Variants in NOTCH3 observed in about 807,000 individuals in gnomAD.
NOTCH3 encodes notch receptor 3.
NOTCH3 carries 86 observed loss-of-function variants against 213.3 expected under a neutral mutation model. The observed-to-expected ratio is 0.40, with a 90% confidence interval of 0.34 to 0.48. The LOEUF (loss-of-function observed/expected upper bound fraction) is 0.48. Ranked by LOEUF, NOTCH3 falls within the 20% of genes least tolerant of loss-of-function variation. The pLI is 0.57. For synonymous variants in NOTCH3, 1,354 were observed against 1,355.9 expected, an observed-to-expected ratio of 1.00 and a Z score of 0.03; for missense variants, 2,783 against 3,272.6, an observed-to-expected ratio of 0.85 and a Z score of 3.65.
chr19:15,168,727 G>A (rs2046705619), intron 28 of NOTCH3, among the ~76,000 whole-genome samples: 1 of 151,992 alleles, frequency 6.6e-6, no homozygotes, highest in Non-Finnish European at 1.5e-5. Context: ...CCAGCTACTC[G>A]GGAGGCTGAG....
chr19:15,192,648 C>G, intron 2 of NOTCH3, 129 bp from the exon 3 acceptor site: 1 of 1,332,482 alleles, frequency 7.5e-7, no homozygotes, highest in Non-Finnish European at 1.0e-6. Flanking sequence ...GGAGCAGTGG[C>G]TCACGCCTGT....
intron 17 of NOTCH3, 51 bp downstream of exon 17, chr19:15,181,525 G>A (rs2145423677): frequency 6.8e-7 from 1 of 1,475,320 alleles, no homozygotes; most frequent in African/African-American, 1.4e-5. Flanking sequence ...CCAGGTCCCA[G>A]GCCCCATCCC....
At chr19:15,196,826 A>G (rs1456404886) in intron 2 of NOTCH3, among the ~76,000 whole-genome samples, 1 of 152,204 alleles carries the variant, frequency 6.6e-6, no homozygotes, top group Non-Finnish European at 1.5e-5. Context: ...AAGGTGTCCC[A>G]GACCCCAGAA....
intron 24 of NOTCH3, among the ~76,000 whole-genome samples, chr19:15,175,750 A>C (rs1175447949): frequency 6.6e-6 from 1 of 151,042 alleles, no homozygotes; most frequent in African/African-American, 2.4e-5. Flanking sequence ...GAGGTGAGGG[A>C]GGAGCCATGT....
At chr19:15,177,134 A>T (rs2046797526) in intron 24 of NOTCH3, among the ~76,000 whole-genome samples, 1 of 150,822 alleles carries the variant, frequency 6.6e-6, no homozygotes, top group Admixed American at 6.6e-5. Flanking sequence ...CTGTAATCCC[A>T]GCTACTCCAG....
rs369200661 is a variant in NOTCH3 at position 15,189,200 on chromosome 19, G to T, written c.1193-26C>A. 3.1e-6 allele frequency: 5 copies of T among 1,613,088 alleles called. No individual in the cohort carries two copies. The African/African-American group carries it at 4.0e-5, about 13-fold the overall frequency. ...CTGCCGGATGGAGTGCGATCGGTGT[G>T]GGCGTGGCTGGCCGGGACCCCCTCC... On this transcript the variant is annotated intron_variant, in intron 7 of 32. Coordinates refer to ENST00000263388, the MANE Select transcript of NOTCH3 (RefSeq NM_000435.3).
chr19:15,174,017 G>T, intron 25 of NOTCH3, 51 bp downstream of exon 25: 2 of 1,413,858 alleles, frequency 1.4e-6, no homozygotes, highest in Non-Finnish European at 1.9e-6. Context: ...TGGATCAACA[G>T]CATCTCTCCT....
intron 24 of NOTCH3, among the ~76,000 whole-genome samples, 167 bp from the exon 25 acceptor site, chr19:15,174,567 G>T (rs1269624468): frequency 5.0e-5 from 4 of 79,360 alleles, no homozygotes; most frequent in Admixed American, 2.5e-4. Flanking sequence ...CCATTCACTG[G>T]ATAATTTTTT....
chr19:15,163,739 G>A (rs953624686), intron 31 of NOTCH3, among the ~76,000 whole-genome samples: 9 of 152,156 alleles, frequency 5.9e-5, no homozygotes, highest in African/African-American at 2.2e-4. Context: ...GGTGGGATGG[G>A]AGGATCACTT....
intron 16 of NOTCH3, among the ~76,000 whole-genome samples, chr19:15,182,053 G>A (rs1014358269): frequency 1.3e-5 from 2 of 152,212 alleles, no homozygotes; most frequent in East Asian, 1.9e-4. Context: ...CCAAGCAAAC[G>A]CTGCTAATTG....
At position 15,185,755 on chromosome 19, in the gene NOTCH3, T is replaced by A; in HGVS notation, c.1952-76A>T. 7.0e-7 allele frequency: 1 copy of A among 1,419,802 alleles called. No homozygotes were observed. Among genetic ancestry groups the A allele is most frequent in the Non-Finnish European group, 9.8e-7 (1 of 1,015,626 alleles). The allele number at this position is 1,419,802 out of a possible 1,614,324, so 88.0% of individuals were successfully genotyped here. On this transcript the variant is annotated intron_variant, in intron 12 of 32. Coordinates refer to ENST00000263388, the MANE Select transcript of NOTCH3 (RefSeq NM_000435.3). This position sits in a 1 kb window ranked among gnomAD's most constrained non-coding sequence, Gnocchi z 4.2. ...CCAGGGAGGGACGACGTGACCCCAC[T>A]TAGCACACCCACACCCCCGAGCAAT...
intron 29 of NOTCH3, among the ~76,000 whole-genome samples, chr19:15,166,778 C>A (rs2145393835): frequency 6.6e-6 from 1 of 152,300 alleles, no homozygotes; most frequent in South Asian, 2.1e-4. Flanking sequence ...TTCTCAAGCC[C>A]TGGGTAGAGA....
intron 24 of NOTCH3, among the ~76,000 whole-genome samples, chr19:15,175,553 ATAC>A (rs1337604391): frequency 0.24 from 8,282 of 34,158 alleles, 612 homozygotes; most frequent in Non-Finnish European, 0.27. Context: ...AAAAAAAAAA[ATAC>A]ATATATATAT....
At chr19:15,188,039 G>A (rs992115035) in intron 9 of NOTCH3, 45 bp from the exon 10 acceptor site, 2 of 1,409,982 alleles carry the variant, frequency 1.4e-6, no homozygotes, top group Non-Finnish European at 2.0e-6. Context: ...AAGGGTGAGA[G>A]CAGTACACCC....
At chr19:15,198,187 C>G (rs1241608927) in intron 1 of NOTCH3, among the ~76,000 whole-genome samples, 1 of 152,178 alleles carries the variant, frequency 6.6e-6, no homozygotes, top group African/African-American at 2.4e-5. Flanking sequence ...CATGTGCTGC[C>G]CTGTCCAACA....
In NOTCH3 at chr19:15,184,565, T is replaced by C. The variant is rs977415283; in HGVS notation, c.2411-115A>G. ...AGATGGGTGAAGGCAAAATAAGCCG[T>C]GCTGTCATTCGTGTCTGGGCATTTT... On this transcript the variant is annotated intron_variant, in intron 15 of 32. Coordinates refer to ENST00000263388, the MANE Select transcript of NOTCH3 (RefSeq NM_000435.3). 7 of 1,015,566 alleles carry C rather than the reference T, an allele frequency of 6.9e-6. No homozygotes were observed. In the Admixed American group the frequency reaches 1.0e-4, roughly 15 times the overall value. 62.9% of individuals were successfully genotyped at this position (1,015,566 alleles called of 1,614,324 possible).
chr19:15,181,857 T>C, intron 16 of NOTCH3, 56 bp from the exon 17 acceptor site: 12 of 1,402,704 alleles, frequency 8.6e-6, no homozygotes, highest in Non-Finnish European at 1.2e-5. Context: ...TAGCCCAGTC[T>C]GACTGGGATA....
At chr19:15,190,734 C>A (rs1486047078) in intron 6 of NOTCH3, among the ~76,000 whole-genome samples, 1 of 152,156 alleles carries the variant, frequency 6.6e-6, no homozygotes, top group African/African-American at 2.4e-5. Context: ...TACAGGCATG[C>A]GCTACCATGC....
Position 15,188,013 on chromosome 19 carries a change from T to C in NOTCH3, c.1493-19A>G, listed in dbSNP as rs1390712013. ...CTGAAGCCTGGGGTGGGGAGTGGGA[T>C]GAGCAGAGGCCCAGAAAGGGTGAGA... On this transcript the variant is annotated intron_variant, in intron 9 of 32. Transcript: ENST00000263388. The C allele has an allele frequency of 6.5e-7, 1 of 1,539,584 alleles. No homozygotes were observed. The highest frequency in any genetic ancestry group is 2.4e-5 in the East Asian group (1 of 40,826).
Sources: allele counts gnomAD v4.1 joint callset (sites outside exome capture counted in the v4.1 genomes callset), GRCh38; gene constraint gnomAD v4.1.1; non-coding constraint Gnocchi (gnomAD v3.1); transcripts MANE v1.5; gene names NCBI Gene and HGNC (gene_info 2026-07-23, HGNC 2026-07-21).